SANBR: variants seen among roughly 807,000 people sequenced by gnomAD.
SANBR encodes SANT and BTB domain regulator of CSR, also known as SANT and BTB domain regulator of class switch recombination.
A neutral mutation model predicts 101.8 loss-of-function variants in SANBR; 77 were observed. That is an observed-to-expected ratio of 0.76 (90% CI 0.63 to 0.91). The LOEUF is 0.91. Among genes scored for constraint, SANBR ranks in the 40% least tolerant of loss-of-function variants. SANBR has a pLI of 0.00. For synonymous variants in SANBR, 279 were observed against 274.7 expected, an observed-to-expected ratio of 1.02 and a Z score of -0.15; for missense variants, 875 against 853.0, an observed-to-expected ratio of 1.03 and a Z score of -0.32.
chr2:61,088,193 G>A lies in SANBR; in HGVS notation c.925G>A (p.Asp309Asn). Residue 309 changes from aspartate to asparagine, a missense_variant, in exon 9 of 22, where the codon GAT becomes AAT. Asp to Asn is a conservative substitution (Grantham distance 23, BLOSUM62 1). Transcript: ENST00000402291. ...LFCKKIERLFDPEYLNPDSRS... is the reference protein window; with the variant it reads ...LFCKKIERLFNPEYLNPDSRS... ...TTGTAAGAAGATTGAAAGACTGTTT[G>A]ATCCTGAGTACTTGAATCCAGATTC... 1 of 1,607,066 alleles carries A rather than the reference G, an allele frequency of 6.2e-7. No homozygotes were observed. The highest frequency in any genetic ancestry group is 8.5e-7 in the Non-Finnish European group (1 of 1,177,946).
intron 13 of SANBR, among the ~76,000 whole-genome samples, chr2:61,106,162 C>T (rs1339808031): frequency 6.6e-6 from 1 of 151,726 alleles, no homozygotes; most frequent in African/African-American, 2.4e-5. Context: ...GGAGCCAAGG[C>T]GGGTGGATCA....
chr2:61,129,603 A>G (rs1445592630), intron 20 of SANBR, among the ~76,000 whole-genome samples: 1 of 152,164 alleles, frequency 6.6e-6, no homozygotes, highest in Non-Finnish European at 1.5e-5. Context: ...TTGGGACTAT[A>G]CCAAAGAAAT....
Position 61,072,130 on chromosome 2 carries a change from G to A in SANBR, c.337+338G>A, listed in dbSNP as rs148853975. 7.7e-3 allele frequency among the ~76,000 whole-genome samples: 1,171 copies of A among 152,178 alleles called. 14 individuals are homozygous for A. The highest frequency in any genetic ancestry group is 0.027 in the African/African-American group (1,135 of 41,500). ...TTTTTGTATTTTTTTGTAGAGACCA[G>A]GTTTTGCTGTGTTGCCCAGGCTGGT... On this transcript the variant is annotated intron_variant, in intron 4 of 21. Coordinates refer to ENST00000402291, the MANE Select transcript of SANBR (RefSeq NM_001129993.3).
At position 61,070,412 on chromosome 2, in the gene SANBR, A is replaced by G; in HGVS notation, c.62A>G (p.Asp21Gly). 1 of 1,602,836 alleles carries G rather than the reference A, an allele frequency of 6.2e-7. No homozygotes were observed. The highest frequency in any genetic ancestry group is 8.5e-7 in the Non-Finnish European group (1 of 1,175,110). The stretch of plus-strand genomic sequence containing the variant: ...AACAATAATAACCAAATGGTATTGG[A>G]CATGATCCTTTATCCATTAATTGGA... Reference protein sequence around the residue: ...FLNNNNQMVLDMILYPLIGIP... With the variant: ...FLNNNNQMVLGMILYPLIGIP... The change falls in exon 3 of 22, where the codon GAC becomes GGC. Residue 21 changes from aspartate (D) to glycine (G), a missense_variant. By Grantham distance (94) the Asp-to-Gly change is moderately conservative. Coordinates refer to ENST00000402291, the MANE Select transcript of SANBR (RefSeq NM_001129993.3).
chr2:61,119,515 C>T (rs969930312), intron 20 of SANBR, among the ~76,000 whole-genome samples: 1 of 151,946 alleles, frequency 6.6e-6, no homozygotes, highest in Non-Finnish European at 1.5e-5. Context: ...ACTCTCAAAA[C>T]TCAATAATAA....
At chr2:61,077,256 C>T (rs1478308624) in intron 6 of SANBR, 98 bp downstream of exon 6, 24 of 805,598 alleles carry the variant, frequency 3.0e-5, no homozygotes, top group East Asian at 1.2e-4. Context: ...GTTTGGACAC[C>T]GGTGTTTATG....
chr2:61,071,819 C>T, intron 4 of SANBR, 27 bp downstream of exon 4: 1 of 1,440,260 alleles, frequency 6.9e-7, no homozygotes, highest in Non-Finnish European at 9.5e-7. Flanking sequence ...AAATGTAGTA[C>T]TTGCCCTTAT....
chr2:61,129,703 A>T (rs1016334138), intron 20 of SANBR, among the ~76,000 whole-genome samples: 1 of 152,166 alleles, frequency 6.6e-6, no homozygotes, highest in African/African-American at 2.4e-5. Flanking sequence ...GTAATACAGG[A>T]ACAAATGAAG....
At chr2:61,101,772 C>G (rs1683298466) in intron 12 of SANBR, among the ~76,000 whole-genome samples, 1 of 151,822 alleles carries the variant, frequency 6.6e-6, no homozygotes, top group African/African-American at 2.4e-5. Context: ...CACAGTGGCT[C>G]AAGCCTGTAA....
chr2:61,119,765 C>T (rs72883020), intron 20 of SANBR, among the ~76,000 whole-genome samples: 17,358 of 151,878 alleles, frequency 0.11, 1,090 homozygotes, highest in African/African-American at 0.15. Context: ...TGAGACCAGC[C>T]TGGGCGACAT....
chr2:61,074,064 G>A (rs1681628558), intron 5 of SANBR, among the ~76,000 whole-genome samples: 1 of 152,138 alleles, frequency 6.6e-6, no homozygotes, highest in Non-Finnish European at 1.5e-5. Context: ...AAAAATGGAT[G>A]TACCATATAA....
chr2:61,104,337 C>T (rs1683441263), intron 13 of SANBR, among the ~76,000 whole-genome samples: 1 of 151,906 alleles, frequency 6.6e-6, no homozygotes, highest in African/African-American at 2.4e-5. Flanking sequence ...AAAAAATTAG[C>T]CGGGCGTGGT....
At chr2:61,111,559 A>G (rs1332580871) in intron 16 of SANBR, among the ~76,000 whole-genome samples, 2 of 152,246 alleles carry the variant, frequency 1.3e-5, no homozygotes, top group Admixed American at 1.3e-4. Context: ...TCTTTTCAAC[A>G]GTTTGATTGA....
intron 19 of SANBR, among the ~76,000 whole-genome samples, 187 bp from the exon 20 acceptor site, chr2:61,117,841 A>G (rs751591961): frequency 2.6e-5 from 4 of 152,244 alleles, no homozygotes; most frequent in East Asian, 1.9e-4. Context: ...AAGCAGCACA[A>G]TTATCCACAG....
chr2:61,076,982 C>G lies in SANBR; in HGVS notation c.494C>G (p.Pro165Arg). ...AACTTGAAAGAAGATTTTACTTGCC[C>G]GCGAGATCTTTTGATATCAGAAATG... ...AKNLKEDFTC[P>R]RDLLISEMKY... Residue 165 changes from proline (P) to arginine (R), a missense_variant, in exon 6 of 22, where the codon CCG becomes CGG. Physicochemically the swap from Pro to Arg is moderately radical, Grantham distance 103. Transcript: ENST00000402291. The G allele has an allele frequency of 6.2e-7, 1 of 1,613,980 alleles. No individual in the cohort carries two copies. The highest frequency in any genetic ancestry group is 8.5e-7 in the Non-Finnish European group (1 of 1,180,000).
intron 14 of SANBR, among the ~76,000 whole-genome samples, chr2:61,107,660 T>TC (rs757597493): frequency 6.6e-6 from 1 of 152,130 alleles, no homozygotes; most frequent in Non-Finnish European, 1.5e-5. Context: ...TCCCTGCACT[T>TC]TGGGAGGCTG....
chr2:61,127,149 C>A (rs1179157741), downstream of SANBR, among the ~76,000 whole-genome samples: 1 of 152,162 alleles, frequency 6.6e-6, no homozygotes, highest in East Asian at 1.9e-4. Context: ...GAGCAGAGAC[C>A]TGGTCTTCTT....
chr2:61,084,872 CT>C (rs1322029502), intron 8 of SANBR, among the ~76,000 whole-genome samples: 2 of 152,016 alleles, frequency 1.3e-5, no homozygotes, highest in Non-Finnish European at 2.9e-5. Flanking sequence ...AGTAGATGGA[CT>C]CAGTTGTTAG....
Position 61,092,651 on chromosome 2 carries a change from T to C in SANBR, c.1212+64T>C, listed in dbSNP as rs1682825968. 8.8e-6 allele frequency: 11 copies of C among 1,253,072 alleles called. No homozygotes were observed. The East Asian group carries it at 2.7e-4, about 31-fold the overall frequency. 77.6% of individuals were successfully genotyped at this position (1,253,072 alleles called of 1,614,324 possible). A position where few individuals can be genotyped will look rare whatever the true frequency, so the allele number is the denominator to read the frequency against. On this transcript the variant is annotated intron_variant, in intron 11 of 21. Transcript: ENST00000402291. The stretch of plus-strand genomic sequence containing the variant: ...TTGAGAGCAAGATTATTTTGATATC[T>C]GCTGTTTAATTGATATGTTTAAATG...
Sources: gnomAD v4.1 joint callset for allele counts (sites outside exome capture counted in the v4.1 genomes callset) on GRCh38, gnomAD v4.1.1 for gene constraint, MANE v1.5 for transcripts, NCBI Gene and HGNC (gene_info 2026-07-23, HGNC 2026-07-21) for gene names.